CDH15: variants seen among roughly 807,000 people sequenced by gnomAD.
The protein encoded by CDH15 is cadherin-15.
Under a neutral mutation model 69.4 loss-of-function variants are expected in CDH15, and 73 were observed. That is an observed-to-expected ratio of 1.05 (90% confidence interval 0.87 to 1.28). The LOEUF (loss-of-function observed/expected upper bound fraction) is 1.28. Among genes scored for constraint, CDH15 ranks in the 50% most tolerant of loss-of-function variants. CDH15 has a pLI of 0.00. For missense variants in CDH15, 1,343 were observed against 1,133.6 expected (o/e 1.18, Z -2.65); for synonymous variants, 624 against 507.7 (o/e 1.23, Z -3.08).
At chr16:89,184,178 C>T (rs559784039) in intron 4 of CDH15, among the ~76,000 whole-genome samples, 1 of 152,320 alleles carries the variant, frequency 6.6e-6, no homozygotes, top group African/African-American at 2.4e-5. Context: ...AGGACTGTGG[C>T]CAGGCCTGGC....
Position 89,191,324 on chromosome 16 carries a change from C to A in CDH15, c.1233-6C>A. ...CAGATCCCACTCTTCCCCTCCCCTG[C>A]ATCAGCTACTCCAAGGACTACGACC... On this transcript the variant is annotated splice_region_variant and splice_polypyrimidine_tract_variant and intron_variant, in intron 8 of 13. Coordinates refer to ENST00000289746, the MANE Select transcript of CDH15 (RefSeq NM_004933.3). 6.2e-7 allele frequency: 1 copy of A among 1,612,812 alleles called. No homozygotes were observed. Among genetic ancestry groups the A allele is most frequent in the Non-Finnish European group, 8.5e-7 (1 of 1,179,986 alleles).
chr16:89,191,355 G>C lies in CDH15; in HGVS notation c.1258G>C (p.Asp420His), dbSNP rs769319278. The C allele has an allele frequency of 4.0e-5, 65 of 1,612,668 alleles. No individual in the cohort carries two copies. The highest frequency in any genetic ancestry group is 5.4e-5 in the Non-Finnish European group (64 of 1,179,992). ...CTACTCCAAGGACTACGACCCGGAA[G>C]ACTGGCTGCAAGTGGACGCAGCCAC... ...LSYSKDYDPE[D>H]WLQVDAATGR... Residue 420 changes from aspartate (D) to histidine (H), a missense_variant, in exon 9 of 14, where the codon GAC (aspartate) becomes CAC (histidine). Physicochemically the swap from Asp to His is moderately conservative, Grantham distance 81. Coordinates refer to ENST00000289746, the MANE Select transcript of CDH15 (RefSeq NM_004933.3).
chr16:89,181,568 T>A lies in CDH15; in HGVS notation c.357+1213T>A, dbSNP rs554642464. Among the ~76,000 whole-genome samples, 6 of 146,694 alleles carry A rather than the reference T, an allele frequency of 4.1e-5. No homozygotes were observed. In the South Asian group the frequency reaches 1.1e-3, roughly 26 times the overall value. On this transcript the variant is annotated intron_variant, in intron 3 of 13. Coordinates refer to ENST00000289746, the MANE Select transcript of CDH15 (RefSeq NM_004933.3). ...TGAGGTGGGAGGATCCCCCGAGAGGTCGACACTGCCGTGCGCCGTGATTGC... is the reference window on the plus strand; with the variant it reads ...TGAGGTGGGAGGATCCCCCGAGAGGACGACACTGCCGTGCGCCGTGATTGC...
intron 1 of CDH15, among the ~76,000 whole-genome samples, chr16:89,173,287 G>A (rs765330742): frequency 1.3e-5 from 2 of 152,308 alleles, no homozygotes; most frequent in African/African-American, 2.4e-5. Context: ...CCAACCCAGG[G>A]CATGGTGGTG....
intron 12 of CDH15, 51 bp downstream of exon 12, chr16:89,193,657 G>A (rs1439001947): frequency 4.4e-5 from 69 of 1,566,856 alleles, no homozygotes; most frequent in Non-Finnish European, 5.9e-5. Flanking sequence ...CCCAGGTCGC[G>A]GGCCTTCTTA....
Position 89,194,828 on chromosome 16 carries a change from C to T in CDH15, c.2152-34C>T. 1.9e-6 allele frequency: 3 copies of T among 1,578,322 alleles called. 1 individual carries two copies. Among genetic ancestry groups the T allele is most frequent in the South Asian group, 2.3e-5 (2 of 87,766 alleles). On this transcript the variant is annotated intron_variant, in intron 13 of 13. Transcript: ENST00000289746. ...GGCGGTGGGGCACCCGCTGGCCCCTCCATGTGTCTTGAGCTCTCCGGGCCT... is the reference window on the plus strand; with the variant it reads ...GGCGGTGGGGCACCCGCTGGCCCCTTCATGTGTCTTGAGCTCTCCGGGCCT...
At chr16:89,193,648 C>T (rs1444672683) in intron 12 of CDH15, 42 bp downstream of exon 12, 2 of 1,568,810 alleles carry the variant, frequency 1.3e-6, no homozygotes, top group Middle Eastern at 1.8e-4. Flanking sequence ...CCCAAGGAAC[C>T]CAGGTCGCGG....
At chr16:89,185,115 T>G (rs1915453231) in intron 4 of CDH15, 58 bp from the exon 5 acceptor site, 1 of 1,520,744 alleles carries the variant, frequency 6.6e-7, no homozygotes, top group Non-Finnish European at 8.9e-7. Context: ...CCCCTCACAA[T>G]GCCCCCAGCC....
Position 89,191,478 on chromosome 16 carries a change from C to T in CDH15, c.1375+6C>T, listed in dbSNP as rs771654189. The T allele has an allele frequency of 1.6e-5, 26 of 1,611,646 alleles. No individual in the cohort carries two copies. Among genetic ancestry groups the T allele is most frequent in the Middle Eastern group, 3.3e-4 (2 of 6,002 alleles). On this transcript the variant is annotated splice_donor_region_variant and intron_variant, in intron 9 of 13. Coordinates refer to ENST00000289746, the MANE Select transcript of CDH15 (RefSeq NM_004933.3). ...CGTCCTGGCCCAGGATGACGGTGAG[C>T]GGCGCCGCCGGCTTGGGGCTCCCTG... is the stretch of plus-strand genomic sequence containing the variant.
At chr16:89,172,037 C>T (rs924075229) in intron 1 of CDH15, among the ~76,000 whole-genome samples, 164 bp downstream of exon 1, 1 of 152,008 alleles carries the variant, frequency 6.6e-6, no homozygotes, top group African/African-American at 2.4e-5. Context: ...CTGGGGGCAG[C>T]ACCCCAGGGG....
rs1413898680 is a variant in CDH15, at chr16:89,193,237, A to G, written c.1856-233A>G. On this transcript the variant is annotated intron_variant, in intron 11 of 13. Transcript: ENST00000289746. ...TTCCCCAAGCCGGCCTCTCCTTACC[A>G]GCCAAGCTCCCTCCTCCACAACCCG... Among the ~76,000 whole-genome samples, 9 of 100,190 alleles carry G rather than the reference A, an allele frequency of 9.0e-5. No homozygotes were observed. In the Admixed American group the frequency reaches 1.1e-3, roughly 12 times the overall value. 65.7% of individuals were successfully genotyped at this position (100,190 alleles called of 152,430 possible). A position where few individuals can be genotyped will look rare whatever the true frequency, so the allele number is the denominator to read the frequency against.
In CDH15 at chr16:89,187,525, A is replaced by G; in HGVS notation, c.760A>G (p.Asn254Asp). The G allele has an allele frequency of 6.2e-7, 1 of 1,613,644 alleles. No individual in the cohort carries two copies. The change falls in exon 6 of 14, where the codon AAT becomes GAT. Residue 254 changes from asparagine to aspartate, a missense_variant. Coordinates refer to ENST00000289746, the MANE Select transcript of CDH15 (RefSeq NM_004933.3). ...ASAIITLDDI[N>D]DNAPEFTRDE... The stretch of plus-strand genomic sequence containing the variant: ...AGCCATCATCACCCTTGATGACATC[A>G]ATGACAATGCCCCCGAGTTCACCAG...
intron 1 of CDH15, among the ~76,000 whole-genome samples, chr16:89,176,812 G>C (rs1194652584): frequency 6.6e-6 from 1 of 152,166 alleles, no homozygotes; most frequent in Non-Finnish European, 1.5e-5. Flanking sequence ...TGTGTGTGGT[G>C]GGTGATGTTT....
At chr16:89,185,510 C>T (rs1163078689) in intron 5 of CDH15, 177 bp downstream of exon 5, 3 of 781,044 alleles carry the variant, frequency 3.8e-6, no homozygotes, top group Non-Finnish European at 6.4e-6. Context: ...GATGCGCAGA[C>T]AGGAGCCGCG....
chr16:89,190,150 G>A, intron 7 of CDH15, 93 bp from the exon 8 acceptor site: 1 of 1,493,054 alleles, frequency 6.7e-7, no homozygotes, highest in South Asian at 1.2e-5. Flanking sequence ...CAGGTGCTCT[G>A]GACAGACCCA....
chr16:89,193,172 C>G (rs1915696001), intron 11 of CDH15, among the ~76,000 whole-genome samples: 1 of 107,252 alleles, frequency 9.3e-6, no homozygotes, highest in Non-Finnish European at 1.9e-5. Flanking sequence ...AACCCGCCCC[C>G]TGCTCGCAAA....
Position 89,176,701 on chromosome 16 carries a change from G to T in CDH15, c.43-2715G>T, listed in dbSNP as rs929984960. The stretch of plus-strand genomic sequence containing the variant: ...AGATGAAGGAGCTCAGGAGCAGGCC[G>T]CGAAGACGGTGATGTGGAGATGGGG... On this transcript the variant is annotated intron_variant, in intron 1 of 13. Coordinates refer to ENST00000289746, the MANE Select transcript of CDH15 (RefSeq NM_004933.3). Among the ~76,000 whole-genome samples the T allele has an allele frequency of 3.3e-5, 5 of 150,112 alleles. No homozygotes were observed. The East Asian group carries it at 5.8e-4, about 17-fold the overall frequency.
rs753537847 is a variant in CDH15 at position 89,185,164 on chromosome 16, G to A, written c.503-9G>A. ...GACGTTGGCCCTCACGCCTCCCTGT[G>A]CTTCCCAGGCACCTATGTGACCAGG... On this transcript the variant is annotated splice_polypyrimidine_tract_variant and intron_variant, in intron 4 of 13. Transcript: ENST00000289746. 8.2e-6 allele frequency: 13 copies of A among 1,590,862 alleles called. No homozygotes were observed. The South Asian group carries it at 9.1e-5, about 11-fold the overall frequency.
Position 89,179,603 on chromosome 16 carries a change from G to A in CDH15, c.201+29G>A, listed in dbSNP as rs200127013. 113 of 1,548,102 alleles carry A rather than the reference G, an allele frequency of 7.3e-5. 1 individual carries two copies. The highest frequency in any genetic ancestry group is 6.8e-4 in the South Asian group (55 of 81,168). On this transcript the variant is annotated intron_variant, in intron 2 of 13. Coordinates refer to ENST00000289746, the MANE Select transcript of CDH15 (RefSeq NM_004933.3). ...AGCAGGTGGAGGGGGCAGGAGGGGAGAAAGGGGTAGGCTGGTCCCCAGTGG... is the reference window on the plus strand; with the variant it reads ...AGCAGGTGGAGGGGGCAGGAGGGGAAAAAGGGGTAGGCTGGTCCCCAGTGG...
Sources: allele counts gnomAD v4.1 joint callset (sites outside exome capture counted in the v4.1 genomes callset), GRCh38; gene constraint gnomAD v4.1.1; transcripts MANE v1.5; gene names NCBI Gene and HGNC (gene_info 2026-07-23, HGNC 2026-07-21).